RGL1: variants seen among roughly 807,000 people sequenced by gnomAD.
The protein encoded by RGL1 is ral guanine nucleotide dissociation stimulator like 1.
In RGL1, 24 loss-of-function variants were observed where a neutral mutation model predicts 95.2. The ratio of observed to expected loss-of-function variants is 0.25; its 90% CI spans 0.18 to 0.35. The LOEUF is 0.35. RGL1 is among the 10% of genes least tolerant of loss of function. RGL1 has a pLI of 1.00. For missense variants in RGL1, 715 were observed against 936.3 expected, an observed-to-expected ratio of 0.76 and a Z score of 3.08; for synonymous variants, 329 against 344.9, an observed-to-expected ratio of 0.95 and a Z score of 0.51.
chr1:183,897,605 C>T (rs1667776920), intron 9 of RGL1, among the ~76,000 whole-genome samples: 4 of 151,852 alleles, frequency 2.6e-5, no homozygotes, highest in South Asian at 2.1e-4. Context: ...CCACCAGCCT[C>T]GTTATAAATA....
At chr1:183,695,876 C>T (rs1274085497) in intron 1 of RGL1, among the ~76,000 whole-genome samples, 1 of 151,346 alleles carries the variant, frequency 6.6e-6, no homozygotes, top group African/African-American at 2.4e-5. Flanking sequence ...TCGGTTGTCC[C>T]CCACTGAAAA....
At chr1:183,697,762 T>A (rs902845277) in intron 1 of RGL1, among the ~76,000 whole-genome samples, 10 of 152,228 alleles carry the variant, frequency 6.6e-5, no homozygotes, top group African/African-American at 2.2e-4. Context: ...GTAGGTATCA[T>A]GCATTTCAAC....
At chr1:183,652,653 C>G (rs1198635699) in intron 1 of RGL1, among the ~76,000 whole-genome samples, 1 of 152,242 alleles carries the variant, frequency 6.6e-6, no homozygotes, top group Non-Finnish European at 1.5e-5. Context: ...CCTTAGCAAC[C>G]TTGATTGGCT....
At position 183,918,265 on chromosome 1, in the gene RGL1, CA is replaced by C. The variant is rs1346963652; in HGVS notation, c.2004+1565del. ...AAATACTGGGAGTTGTCAAACCCCACAGGGGGGACGTGGTCTCGCGAGACTG... is the reference window on the plus strand; with the variant it reads ...AAATACTGGGAGTTGTCAAACCCCACGGGGGGACGTGGTCTCGCGAGACTG... On this transcript the variant is annotated intron_variant, in intron 16 of 17. Coordinates refer to ENST00000360851, the MANE Select transcript of RGL1 (RefSeq NM_001297671.3). Among the ~76,000 whole-genome samples, 6 of 152,254 alleles carry C rather than the reference CA, an allele frequency of 3.9e-5. No individual in the cohort carries two copies. The East Asian group carries it at 7.7e-4, about 20-fold the overall frequency.
intron 2 of RGL1, among the ~76,000 whole-genome samples, chr1:183,795,251 G>A (rs1020637997): frequency 1.3e-5 from 2 of 152,220 alleles, no homozygotes; most frequent in Non-Finnish European, 2.9e-5. Context: ...ACAGTGTGAG[G>A]TGCTAGAAAT....
At chr1:183,924,033 G>A (rs1669468893) in intron 17 of RGL1, among the ~76,000 whole-genome samples, 1 of 152,108 alleles carries the variant, frequency 6.6e-6, no homozygotes, top group African/African-American at 2.4e-5. Context: ...ACACTTGAGT[G>A]CTAAATACTG....
At chr1:183,647,958 G>C in intron 1 of RGL1, 1 of 1,614,160 alleles carries the variant, frequency 6.2e-7, no homozygotes. Context: ...TTGTCCACTC[G>C]GCATTTGAAA....
At position 183,897,855 on chromosome 1, in the gene RGL1, C is replaced by G; in HGVS notation, c.1188C>G (p.Asn396Lys). ...FANLDSSVKE[N>K]QKRTQRRLQL... ...ACCTGGACAGCAGTGTGAAAGAAAACCAGAAGCGTACCCAGAGGCGGCTGC... is the reference window on the plus strand; with the variant it reads ...ACCTGGACAGCAGTGTGAAAGAAAAGCAGAAGCGTACCCAGAGGCGGCTGC... Residue 396 changes from asparagine (N) to lysine (K), a missense_variant, in exon 10 of 18, where the codon AAC (asparagine) becomes AAG (lysine). By Grantham distance (94) the Asn-to-Lys change is moderately conservative (BLOSUM62 0). This residue lies in a region of RGL1 where 381 missense variants were observed against 484.8 expected (regional missense o/e 0.79). Transcript: ENST00000360851. The G allele has an allele frequency of 6.2e-7, 1 of 1,614,016 alleles. No homozygotes were observed. Among genetic ancestry groups the G allele is most frequent in the East Asian group, 2.2e-5 (1 of 44,868 alleles).
upstream of RGL1, among the ~76,000 whole-genome samples, chr1:183,801,297 C>T (rs61809183): frequency 1.2e-4 from 18 of 151,860 alleles, no homozygotes; most frequent in Non-Finnish European, 2.2e-4. Context: ...GTTTGTATGT[C>T]TTCTTAGGAA....
chr1:183,700,660 C>T (rs1654538411), intron 1 of RGL1, among the ~76,000 whole-genome samples: 1 of 151,778 alleles, frequency 6.6e-6, no homozygotes, highest in Admixed American at 6.6e-5. Context: ...ATTCTCCTGC[C>T]TCAGCCTCCT....
chr1:183,817,687 A>T (rs971387544), intron 2 of RGL1, among the ~76,000 whole-genome samples: 3 of 152,206 alleles, frequency 2.0e-5, no homozygotes, highest in Non-Finnish European at 4.4e-5. Flanking sequence ...TCCTACAAAG[A>T]TGCTTAATAA....
intron 2 of RGL1, among the ~76,000 whole-genome samples, chr1:183,774,529 T>C (rs1659484799): frequency 6.6e-6 from 1 of 151,968 alleles, no homozygotes; most frequent in East Asian, 1.9e-4. Context: ...AAATTAACCC[T>C]TCTGGTCTTA....
chr1:183,727,311 C>G (rs1280198738), intron 1 of RGL1, among the ~76,000 whole-genome samples: 1 of 152,090 alleles, frequency 6.6e-6, no homozygotes, highest in African/African-American at 2.4e-5. Context: ...ACATCCATTA[C>G]ATATTATCAT....
intron 1 of RGL1, among the ~76,000 whole-genome samples, chr1:183,675,358 A>G (rs115625135): frequency 0.087 from 12,056 of 139,232 alleles, 993 homozygotes; most frequent in African/African-American, 0.22. Context: ...CCTTCCTTCC[A>G]TCCTCCCACC....
chr1:183,680,347 A>C (rs1653126747), intron 1 of RGL1, among the ~76,000 whole-genome samples: 1 of 152,018 alleles, frequency 6.6e-6, no homozygotes, highest in Admixed American at 6.6e-5. Context: ...TTTATGTTTT[A>C]GGTCTTATGT....
intron 2 of RGL1, among the ~76,000 whole-genome samples, chr1:183,786,307 G>A (rs1054415085): frequency 6.6e-6 from 1 of 152,182 alleles, no homozygotes; most frequent in Admixed American, 6.5e-5. Context: ...AGGAGACTGA[G>A]GTGGGAAGGT....
chr1:183,705,490 G>T (rs1265609904), intron 1 of RGL1, among the ~76,000 whole-genome samples: 1 of 152,138 alleles, frequency 6.6e-6, no homozygotes, highest in Non-Finnish European at 1.5e-5. Flanking sequence ...AGGTACAGAG[G>T]TCACGAGCCA....
chr1:183,912,009 C>T (rs1284000930), intron 14 of RGL1, 73 bp from the exon 15 acceptor site: 1 of 1,355,124 alleles, frequency 7.4e-7, no homozygotes, highest in Non-Finnish European at 1.0e-6. Flanking sequence ...GCTTAATCAA[C>T]ACAAAATATT....
intron 8 of RGL1, among the ~76,000 whole-genome samples, chr1:183,889,529 G>A (rs1309992373): frequency 6.6e-6 from 1 of 152,136 alleles, no homozygotes; most frequent in African/African-American, 2.4e-5. Context: ...TTTACTCAGA[G>A]TTGATCAAGC....
Sources: allele counts gnomAD v4.1 joint callset (sites outside exome capture counted in the v4.1 genomes callset), GRCh38; gene constraint gnomAD v4.1.1; regional missense constraint gnomAD v4.1.1; transcripts MANE v1.5; gene names NCBI Gene and HGNC (gene_info 2026-07-23, HGNC 2026-07-21).